Variants in SLC22A11 observed in about 807,000 individuals in gnomAD.
SLC22A11 encodes the protein organic anion transporter 4.
SLC22A11 carries 42 observed loss-of-function variants against 49.4 expected under a neutral mutation model. The observed-to-expected ratio is 0.85, with a 90% CI of 0.66 to 1.10. The LOEUF is 1.10. Ranked by LOEUF, SLC22A11 falls within the 50% of genes least tolerant of loss-of-function variation. The pLI is 0.00. For synonymous variants in SLC22A11, 304 were observed against 315.8 expected, an observed-to-expected ratio of 0.96 and a Z score of 0.40; for missense variants, 685 against 731.6, an observed-to-expected ratio of 0.94 and a Z score of 0.74.
At chr11:64,569,167 A>G (rs2038669625) in intron 8 of SLC22A11, among the ~76,000 whole-genome samples, 1 of 152,070 alleles carries the variant, frequency 6.6e-6, no homozygotes, top group Non-Finnish European at 1.5e-5. Context: ...CAAATGGAAA[A>G]CCAGTGGTCT....
chr11:64,559,088 G>T, intron 1 of SLC22A11, 47 bp from the exon 2 acceptor site: 1 of 1,553,018 alleles, frequency 6.4e-7, no homozygotes. Flanking sequence ...GCCCAGCCCT[G>T]TGATTTCATA....
At position 64,556,328 on chromosome 11, in the gene SLC22A11, C is replaced by T. The variant is rs140236068; in HGVS notation, c.329C>T (p.Thr110Met). ...GCCACCAGCTGGAGCGAAGCTGACACGGAGCCGTGTGTGGACGGCTGGGTC... is the reference window on the plus strand; with the variant it reads ...GCCACCAGCTGGAGCGAAGCTGACATGGAGCCGTGTGTGGACGGCTGGGTC... ...ATATSWSEADTEPCVDGWVYD... is the reference protein window; with the variant it reads ...ATATSWSEADMEPCVDGWVYD... The change falls in exon 1 of 10, where the codon ACG becomes ATG. Residue 110 changes from threonine to methionine, a missense_variant. Thr to Met is a moderately conservative substitution (Grantham distance 81). Coordinates refer to ENST00000301891, the MANE Select transcript of SLC22A11 (RefSeq NM_018484.4). 2.2e-5 allele frequency: 35 copies of T among 1,613,248 alleles called. No individual in the cohort carries two copies. The highest frequency in any genetic ancestry group is 1.7e-4 in the Admixed American group (10 of 60,008).
chr11:64,561,559 CCA>C (rs1451021354), intron 2 of SLC22A11, among the ~76,000 whole-genome samples: 1 of 152,170 alleles, frequency 6.6e-6, no homozygotes, highest in African/African-American at 2.4e-5. Context: ...AGCCATCCTC[CCA>C]CCTCAGCCTC....
At position 64,562,677 on chromosome 11, in the gene SLC22A11, G is replaced by A. The variant is rs1303254439; in HGVS notation, c.821+242G>A. Among the ~76,000 whole-genome samples, 6 of 152,208 alleles carry A rather than the reference G, an allele frequency of 3.9e-5. No homozygotes were observed. Among genetic ancestry groups the A allele is most frequent in the African/African-American group, 1.4e-4 (6 of 41,450 alleles). On this transcript the variant is annotated intron_variant, in intron 4 of 9. Transcript: ENST00000301891. This position sits in a 1 kb window ranked among gnomAD's most constrained non-coding sequence, Gnocchi z 4.4. Reference sequence around the variant, plus strand: ...GCCAAGATGGGCTGGCACAGCATTGGCTCAAATGGTGATTTAAAAAATACA... The same window carrying A: ...GCCAAGATGGGCTGGCACAGCATTGACTCAAATGGTGATTTAAAAAATACA...
At position 64,556,295 on chromosome 11, in the gene SLC22A11, A is replaced by G. The variant is rs1451201360; in HGVS notation, c.296A>G (p.Asn99Ser). 4 of 1,613,674 alleles carry G rather than the reference A, an allele frequency of 2.5e-6. No homozygotes were observed. Among genetic ancestry groups the G allele is most frequent in the Admixed American group, 1.7e-5 (1 of 60,006 alleles). The change falls in exon 1 of 10, where the codon AAT (asparagine) becomes AGT (serine). Residue 99 changes from asparagine (N) to serine (S), a missense_variant. Physicochemically the swap from Asn to Ser is conservative, Grantham distance 46. Coordinates refer to ENST00000301891, the MANE Select transcript of SLC22A11 (RefSeq NM_018484.4). Reference sequence around the variant, plus strand: ...CCACAGTGGCAGCTCTTGGACCCCAATGCCACGGCCACCAGCTGGAGCGAA... The same window carrying G: ...CCACAGTGGCAGCTCTTGGACCCCAGTGCCACGGCCACCAGCTGGAGCGAA... ...RQPQWQLLDPNATATSWSEAD... is the reference protein window; with the variant it reads ...RQPQWQLLDPSATATSWSEAD...
chr11:64,564,027 G>T lies in SLC22A11; in HGVS notation c.822-281G>T, dbSNP rs1203149007. On this transcript the variant is annotated intron_variant, in intron 4 of 9. Coordinates refer to ENST00000301891, the MANE Select transcript of SLC22A11 (RefSeq NM_018484.4). This position sits in a 1 kb window ranked among gnomAD's most constrained non-coding sequence, Gnocchi z 4.2. ...GGACACCCATGCCCAGGCCACCTGT[G>T]CCCTGGCTGTGTGCAGGGCTCAGGT... Among the ~76,000 whole-genome samples the T allele has an allele frequency of 1.3e-5, 2 of 152,190 alleles. No individual in the cohort carries two copies. Among genetic ancestry groups the T allele is most frequent in the Non-Finnish European group, 2.9e-5 (2 of 68,006 alleles).
At chr11:64,561,964 G>A (rs2038550268) in intron 2 of SLC22A11, 40 bp from the exon 3 acceptor site, 10 of 1,576,864 alleles carry the variant, frequency 6.3e-6, no homozygotes, top group African/African-American at 4.1e-5. Flanking sequence ...CGTCCTCAGG[G>A]GCCCCTCTCC....
chr11:64,568,535 C>T (rs985583510), intron 7 of SLC22A11, 135 bp from the exon 8 acceptor site: 12 of 727,992 alleles, frequency 1.6e-5, no homozygotes, highest in East Asian at 2.6e-5. Context: ...TGGGCAGCCC[C>T]GCACCAAGCC....
Position 64,564,371 on chromosome 11 carries a change from G to T in SLC22A11, c.885G>T (p.Glu295Asp). The change falls in exon 5 of 10, where the codon GAG becomes GAT. Residue 295 changes from glutamate (E) to aspartate (D), a missense_variant. Physicochemically the swap from Glu to Asp is conservative, Grantham distance 45. Coordinates refer to ENST00000301891, the MANE Select transcript of SLC22A11 (RefSeq NM_018484.4). The surrounding 1 kb of genome is among the most constrained non-coding windows in gnomAD (Gnocchi z 4.2). ...GCAAACCAGACCAAGCACTTCAGGA[G>T]CTCAGAAAGGTGGCCAGGATAAATG... Reference protein sequence around the residue: ...IKGKPDQALQELRKVARINGH... With the variant: ...IKGKPDQALQDLRKVARINGH... The T allele has an allele frequency of 1.2e-6, 2 of 1,614,138 alleles. No homozygotes were observed. The highest frequency in any genetic ancestry group is 1.7e-6 in the Non-Finnish European group (2 of 1,180,020).
rs752920723 is a variant in SLC22A11, at chr11:64,559,227, C to T, written c.486C>T (p.Leu162=). 7 of 1,605,668 alleles carry T rather than the reference C, an allele frequency of 4.4e-6. No individual in the cohort carries two copies. In the African/African-American group the frequency reaches 9.4e-5, roughly 22 times the overall value. The change falls in exon 2 of 10, where the codon CTC becomes CTT. Residue 162 remains leucine, a synonymous_variant. Coordinates refer to ENST00000301891, the MANE Select transcript of SLC22A11 (RefSeq NM_018484.4). ...TGGTGGGCTCCTTTATCTGGGGCCT[C>T]CTCTCCTACCGGTGAGTGCCTCCGC... ...GILVGSFIWG[L]LSYRFGRKPM...
At chr11:64,567,187 G>A (rs2038636376) in intron 6 of SLC22A11, among the ~76,000 whole-genome samples, 1 of 152,318 alleles carries the variant, frequency 6.6e-6, no homozygotes, top group Non-Finnish European at 1.5e-5. Context: ...TCTCCCGAGA[G>A]GCCCTGTCCT....
intron 4 of SLC22A11, among the ~76,000 whole-genome samples, chr11:64,563,591 G>C (rs2038580073): frequency 1.6e-5 from 2 of 123,958 alleles, no homozygotes; most frequent in South Asian, 5.4e-4. Flanking sequence ...GGTTCTGCCT[G>C]GGGATATTTT....
Position 64,565,781 on chromosome 11 carries a change from TG to T in SLC22A11, c.1058+445del. ...ACCCCTCCATGCAACCCCACTTCAC[TG>T]ATGGGGAAAGAGGATCCCAGAGGGG... On this transcript the variant is annotated intron_variant, in intron 6 of 9. Transcript: ENST00000301891. The surrounding 1 kb of genome is among the most constrained non-coding windows in gnomAD (Gnocchi z 4.1). 8.7e-6 allele frequency: 3 copies of T among 343,466 alleles called. No individual in the cohort carries two copies. The highest frequency in any genetic ancestry group is 6.8e-5 in the South Asian group (3 of 43,918). 21.3% of individuals were successfully genotyped at this position (343,466 alleles called of 1,614,324 possible). A position where few individuals can be genotyped will look rare whatever the true frequency, so the allele number is the denominator to read the frequency against.
rs1247890457 is a variant in SLC22A11 at position 64,571,837 on chromosome 11, G to A, written c.*795G>A. 3 of 152,362 alleles carry A rather than the reference G, an allele frequency of 2.0e-5. No individual in the cohort carries two copies. Among genetic ancestry groups the A allele is most frequent in the Non-Finnish European group, 4.4e-5 (3 of 68,114 alleles). The allele number at this position is 152,362 out of a possible 1,614,324, so 9.4% of individuals were successfully genotyped here. On this transcript the variant is annotated 3_prime_UTR_variant, in exon 10 of 10. Coordinates refer to ENST00000301891, the MANE Select transcript of SLC22A11 (RefSeq NM_018484.4). ...ACTGAGGCATGGGGCGGGGTGCACT[G>A]AGGATCCGAGCGAGCAGCCAGGGCT...
Position 64,565,803 on chromosome 11 carries a change from AG to A in SLC22A11, c.1058+470del, listed in dbSNP as rs146547660. Reference sequence around the variant, plus strand: ...CACTGATGGGGAAAGAGGATCCCAGAGGGGTAAGGAACAAGCCCAAAATAAT... The same window carrying A: ...CACTGATGGGGAAAGAGGATCCCAGAGGGTAAGGAACAAGCCCAAAATAAT... On this transcript the variant is annotated intron_variant, in intron 6 of 9. Transcript: ENST00000301891. This position sits in a 1 kb window ranked among gnomAD's most constrained non-coding sequence, Gnocchi z 4.1. 1,044 of 338,876 alleles carry A rather than the reference AG, an allele frequency of 3.1e-3. 6 individuals carry two copies. Among genetic ancestry groups the A allele is most frequent in the African/African-American group, 0.021 (993 of 46,678 alleles). 21.0% of individuals were successfully genotyped at this position (338,876 alleles called of 1,614,324 possible).
At position 64,571,869 on chromosome 11, in the gene SLC22A11, A is replaced by G. The variant is rs540842708; in HGVS notation, c.*827A>G. The stretch of plus-strand genomic sequence containing the variant: ...CGAGCGAGCAGCCAGGGCTGCAGGA[A>G]GGCAGCTTTGGAGCACAAAGGGGGT... On this transcript the variant is annotated 3_prime_UTR_variant, in exon 10 of 10. Transcript: ENST00000301891. 41 of 152,458 alleles carry G rather than the reference A, an allele frequency of 2.7e-4. No individual in the cohort carries two copies. The highest frequency in any genetic ancestry group is 9.9e-4 in the African/African-American group (41 of 41,598). 9.4% of individuals were successfully genotyped at this position (152,458 alleles called of 1,614,324 possible). A position where few individuals can be genotyped will look rare whatever the true frequency, so the allele number is the denominator to read the frequency against.
At chr11:64,567,849 T>C in intron 7 of SLC22A11, 36 bp downstream of exon 7, 1 of 1,538,600 alleles carries the variant, frequency 6.5e-7, no homozygotes, top group South Asian at 1.2e-5. Flanking sequence ...GACCGGGCCC[T>C]GCTTCCCCGC....
rs116370306 is a variant in SLC22A11 at position 64,562,803 on chromosome 11, A to G, written c.821+368A>G. 8.0e-3 allele frequency among the ~76,000 whole-genome samples: 1,226 copies of G among 152,334 alleles called. 12 individuals are homozygous for G. The highest frequency in any genetic ancestry group is 0.026 in the African/African-American group (1,099 of 41,568). ...TGGAAAAACTGGAAGATCCAGGGGC[A>G]CTGGGCTGAACTTCGGCCACAGTGG... On this transcript the variant is annotated intron_variant, in intron 4 of 9. Coordinates refer to ENST00000301891, the MANE Select transcript of SLC22A11 (RefSeq NM_018484.4). This position sits in a 1 kb window ranked among gnomAD's most constrained non-coding sequence, Gnocchi z 4.4.
At chr11:64,561,949 A>G in intron 2 of SLC22A11, 55 bp from the exon 3 acceptor site, 2 of 1,555,690 alleles carry the variant, frequency 1.3e-6, no homozygotes, top group Non-Finnish European at 1.7e-6. Flanking sequence ...CTGCCCACAT[A>G]TCCACGTCCT....
Sources: gnomAD v4.1 joint callset for allele counts (sites outside exome capture counted in the v4.1 genomes callset) on GRCh38, gnomAD v4.1.1 for gene constraint, Gnocchi (gnomAD v3.1) non-coding constraint, MANE v1.5 for transcripts, NCBI Gene and HGNC (gene_info 2026-07-23, HGNC 2026-07-21) for gene names.